Variants in LEKR1 observed in about 807,000 individuals in gnomAD.
LEKR1 encodes the protein leucine, glutamate and lysine rich 1.
A neutral mutation model predicts 72.4 loss-of-function variants in LEKR1; 59 were observed. That is an observed-to-expected ratio of 0.82 (90% confidence interval 0.66 to 1.01). The LOEUF (loss-of-function observed/expected upper bound fraction) is 1.01, where lower values mean the gene tolerates loss of function less well. Ranked by LOEUF, LEKR1 falls within the 50% of genes least tolerant of loss-of-function variation. LEKR1 has a pLI of 0.00. For missense variants in LEKR1, 728 were observed against 759.2 expected, an observed-to-expected ratio of 0.96 and a Z score of 0.48; for synonymous variants, 257 against 263.2, an observed-to-expected ratio of 0.98 and a Z score of 0.23.
rs377376692 is a variant in LEKR1, at chr3:157,045,720, C to T, written c.2049C>T (p.Ala683=). ...ATGAGACTAGACAGAGACTGGCTGC[C>T]ATTCTTAGGAGAAGGCGGAGTCAGC... ...SANETRQRLA[A]ILRRRRSQQ Residue 683 remains alanine (A), a synonymous_variant, in exon 13 of 13, where the codon GCC becomes GCT. Coordinates refer to ENST00000356539, the MANE Select transcript of LEKR1 (RefSeq NM_001004316.3). 74 of 1,611,250 alleles carry T rather than the reference C, an allele frequency of 4.6e-5. No individual in the cohort carries two copies. In the African/African-American group the frequency reaches 9.5e-4, roughly 21 times the overall value.
chr3:157,012,433 TAAC>T (rs1266358170), intron 10 of LEKR1, among the ~76,000 whole-genome samples: 1 of 152,194 alleles, frequency 6.6e-6, no homozygotes, highest in Non-Finnish European at 1.5e-5. Flanking sequence ...ATTGACCCCA[TAAC>T]TTGTAACCTC....
chr3:156,835,250 A>G (rs2108529316), intron 2 of LEKR1, among the ~76,000 whole-genome samples: 1 of 152,332 alleles, frequency 6.6e-6, no homozygotes, highest in South Asian at 2.1e-4. Context: ...TTAAGCCAAA[A>G]CATTGTATGA....
At chr3:156,955,456 A>G (rs1003830804) in intron 6 of LEKR1, among the ~76,000 whole-genome samples, 2 of 152,068 alleles carry the variant, frequency 1.3e-5, no homozygotes, top group Admixed American at 1.3e-4. Flanking sequence ...GCTTTTGCAC[A>G]TTCAGTATGA....
chr3:156,834,920 A>G (rs1318370303), intron 2 of LEKR1, among the ~76,000 whole-genome samples: 6 of 152,196 alleles, frequency 3.9e-5, no homozygotes, highest in Admixed American at 6.5e-5. Context: ...AAAGGCATTA[A>G]ATTTTCTATT....
chr3:156,894,616 G>A (rs1386077690), intron 3 of LEKR1, among the ~76,000 whole-genome samples: 1 of 152,164 alleles, frequency 6.6e-6, no homozygotes, highest in Non-Finnish European at 1.5e-5. Flanking sequence ...TAAAGCCAAA[G>A]GCATCACACT....
Position 157,036,821 on chromosome 3 carries a change from ATAG to A in LEKR1, c.1668+8420_1668+8422del, listed in dbSNP as rs140904818. On this transcript the variant is annotated intron_variant, in intron 12 of 12. Coordinates refer to ENST00000356539, the MANE Select transcript of LEKR1 (RefSeq NM_001004316.3). Reference sequence around the variant, plus strand: ...TGTCTCCAAGAACAAAGAGAAGCTGATAGCTTACATGGGGTGTTTGAACATGTT... The same window carrying A: ...TGTCTCCAAGAACAAAGAGAAGCTGACTTACATGGGGTGTTTGAACATGTT... Among the ~76,000 whole-genome samples, 942 of 152,296 alleles carry A rather than the reference ATAG, an allele frequency of 6.2e-3. 5 individuals are homozygous for A. The highest frequency in any genetic ancestry group is 0.021 in the African/African-American group (888 of 41,568).
Position 157,024,813 on chromosome 3 carries a change from G to A in LEKR1, c.1257G>A (p.Glu419=). The change falls in exon 11 of 13, where the codon GAG becomes GAA. Residue 419 remains glutamate, a synonymous_variant. Coordinates refer to ENST00000356539, the MANE Select transcript of LEKR1 (RefSeq NM_001004316.3). ...ERAQHLVEFE[E]QALLFKEETK... ...CCCAACACTTGGTTGAATTTGAAGA[G>A]CAAGCTCTTCTCTTTAAGGAAGAAA... The A allele has an allele frequency of 5.0e-6, 8 of 1,612,130 alleles. No individual in the cohort carries two copies. The highest frequency in any genetic ancestry group is 6.8e-6 in the Non-Finnish European group (8 of 1,179,300).
At chr3:157,024,147 A>T (rs917571579) in intron 10 of LEKR1, among the ~76,000 whole-genome samples, 1 of 152,202 alleles carries the variant, frequency 6.6e-6, no homozygotes, top group Non-Finnish European at 1.5e-5. Flanking sequence ...GTTGAAGTAT[A>T]GTCTCTACTG....
At chr3:156,874,135 C>T (rs541773554) in intron 3 of LEKR1, among the ~76,000 whole-genome samples, 2 of 152,176 alleles carry the variant, frequency 1.3e-5, no homozygotes, top group South Asian at 4.1e-4. Context: ...TTGATCTACT[C>T]TATTATTTAA....
intron 9 of LEKR1, among the ~76,000 whole-genome samples, chr3:157,002,611 A>G (rs976255656): frequency 8.5e-5 from 13 of 152,194 alleles, no homozygotes; most frequent in Admixed American, 6.5e-5. Context: ...GATTTCTTAG[A>G]GTCAGGAATG....
intron 7 of LEKR1, among the ~76,000 whole-genome samples, chr3:156,987,129 T>C (rs900034420): frequency 1.3e-5 from 2 of 151,994 alleles, no homozygotes; most frequent in African/African-American, 2.4e-5. Flanking sequence ...GGTTTACTTG[T>C]AACAATTGAA....
intron 6 of LEKR1, among the ~76,000 whole-genome samples, chr3:156,967,129 C>T (rs1013581603): frequency 4.6e-5 from 7 of 152,078 alleles, no homozygotes; most frequent in African/African-American, 9.7e-5. Context: ...CCCATCTGTA[C>T]GTCACCATCA....
At chr3:157,013,925 T>TA (rs1289064606) in intron 10 of LEKR1, among the ~76,000 whole-genome samples, 1 of 152,126 alleles carries the variant, frequency 6.6e-6, no homozygotes, top group Non-Finnish European at 1.5e-5. Flanking sequence ...TGTCTGTGCT[T>TA]AATTATTTTA....
intron 2 of LEKR1, among the ~76,000 whole-genome samples, chr3:156,851,606 T>G (rs1281440029): frequency 6.6e-6 from 1 of 152,138 alleles, no homozygotes; most frequent in Non-Finnish European, 1.5e-5. Flanking sequence ...CCCATAATAC[T>G]GTATTATGGT....
chr3:156,857,385 C>A (rs1413538957), intron 3 of LEKR1, among the ~76,000 whole-genome samples: 1 of 151,982 alleles, frequency 6.6e-6, no homozygotes, highest in African/African-American at 2.4e-5. Flanking sequence ...GTGAATTATC[C>A]CTTAAATATA....
chr3:156,936,176 T>A (rs1725682504), intron 5 of LEKR1, among the ~76,000 whole-genome samples: 2 of 152,166 alleles, frequency 1.3e-5, no homozygotes. Context: ...AGGAAAAATC[T>A]GGAGAGTAAC....
chr3:157,013,396 A>G (rs1300824532), intron 10 of LEKR1, among the ~76,000 whole-genome samples: 1 of 152,162 alleles, frequency 6.6e-6, no homozygotes, highest in Non-Finnish European at 1.5e-5. Context: ...AACACAGAGT[A>G]AAACAAGTTA....
intron 3 of LEKR1, among the ~76,000 whole-genome samples, chr3:156,876,552 A>G (rs1362463491): frequency 1.3e-5 from 2 of 152,170 alleles, no homozygotes; most frequent in South Asian, 2.1e-4. Context: ...TTGGTTAGGT[A>G]TATTCCTAAG....
intron 6 of LEKR1, among the ~76,000 whole-genome samples, chr3:156,954,802 C>CTT (rs1727473371): frequency 6.6e-6 from 1 of 152,006 alleles, no homozygotes; most frequent in Non-Finnish European, 1.5e-5. Context: ...ATGCCTCCAG[C>CTT]TTTGTTCTTT....
Sources: gnomAD v4.1 joint callset for allele counts (sites outside exome capture counted in the v4.1 genomes callset) on GRCh38, gnomAD v4.1.1 for gene constraint, MANE v1.5 for transcripts, NCBI Gene and HGNC (gene_info 2026-07-23, HGNC 2026-07-21) for gene names.